The following KCNH7 variants were observed in gnomAD, a reference collection of about 807,000 sequenced individuals.
The protein encoded by KCNH7 is voltage-gated inwardly rectifying potassium channel KCNH7.
KCNH7 carries 49 observed loss-of-function variants against 120.8 expected under a neutral mutation model. That is an observed-to-expected ratio of 0.41 (90% confidence interval 0.32 to 0.51). The LOEUF (loss-of-function observed/expected upper bound fraction) is 0.51, where lower values mean the gene tolerates loss of function less well. Ranked by LOEUF, KCNH7 falls within the 20% of genes least tolerant of loss-of-function variation. The pLI is 0.38. For synonymous variants in KCNH7, 547 were observed against 516.1 expected (o/e 1.06, Z -0.81); for missense variants, 1,097 against 1,446.6 (o/e 0.76, Z 3.92).
chr2:162,653,369 A>G (rs1390093495), intron 2 of KCNH7, among the ~76,000 whole-genome samples: 6 of 152,230 alleles, frequency 3.9e-5, no homozygotes, highest in African/African-American at 1.4e-4. Context: ...CTAATAAATT[A>G]ATTCAGTAAA....
In KCNH7 at chr2:162,371,423, C is replaced by T; in HGVS notation, c.*406G>A. On this transcript the variant is annotated 3_prime_UTR_variant, in exon 16 of 16. Coordinates refer to ENST00000332142, the MANE Select transcript of KCNH7 (RefSeq NM_033272.4). Reference sequence around the variant, plus strand: ...GGAATTCCCATGAGTTGAGGATCATCTGAATTTGAGTTGCATCCATGAACA... The same window carrying T: ...GGAATTCCCATGAGTTGAGGATCATTTGAATTTGAGTTGCATCCATGAACA... The T allele has an allele frequency of 7.8e-7, 1 of 1,287,936 alleles. No individual in the cohort carries two copies. The highest frequency in any genetic ancestry group is 1.0e-6 in the Non-Finnish European group (1 of 988,114). The allele number at this position is 1,287,936 out of a possible 1,614,324, so 79.8% of individuals were successfully genotyped here. A position where few individuals can be genotyped will look rare whatever the true frequency, so the allele number is the denominator to read the frequency against.
chr2:162,824,531 A>G (rs1314196219), intron 2 of KCNH7, among the ~76,000 whole-genome samples: 6 of 152,130 alleles, frequency 3.9e-5, no homozygotes, highest in African/African-American at 1.2e-4. Flanking sequence ...AGTCACAGCT[A>G]GAAAGATCAG....
At chr2:162,375,344 A>G (rs888576154) in intron 14 of KCNH7, among the ~76,000 whole-genome samples, 5 of 152,170 alleles carry the variant, frequency 3.3e-5, no homozygotes, top group Admixed American at 2.0e-4. Flanking sequence ...TGTCATATAA[A>G]TCCTTTGCCA....
chr2:162,706,327 A>G (rs1201211183), intron 2 of KCNH7, among the ~76,000 whole-genome samples: 1 of 152,160 alleles, frequency 6.6e-6, no homozygotes, highest in African/African-American at 2.4e-5. Flanking sequence ...GATCATGCTT[A>G]TGATATGAAT....
At chr2:162,741,214 C>T (rs1574328513) in intron 2 of KCNH7, among the ~76,000 whole-genome samples, 1 of 139,104 alleles carries the variant, frequency 7.2e-6, no homozygotes, top group South Asian at 2.3e-4. Flanking sequence ...ATATTAATAA[C>T]ATGTTATTAG....
At chr2:162,740,413 T>C (rs1688082751) in intron 2 of KCNH7, among the ~76,000 whole-genome samples, 2 of 152,180 alleles carry the variant, frequency 1.3e-5, no homozygotes, top group Non-Finnish European at 2.9e-5. Context: ...CAACAGGCAC[T>C]GACAAGTTTG....
intron 7 of KCNH7, among the ~76,000 whole-genome samples, chr2:162,436,322 G>A (rs769509559): frequency 2.0e-5 from 3 of 152,078 alleles, no homozygotes; most frequent in Non-Finnish European, 4.4e-5. Flanking sequence ...CATGAATTAG[G>A]CACTACATTT....
chr2:162,560,039 G>T (rs1434654870), intron 2 of KCNH7, among the ~76,000 whole-genome samples: 4 of 152,132 alleles, frequency 2.6e-5, no homozygotes, highest in African/African-American at 9.7e-5. Flanking sequence ...TGACCTATAT[G>T]TTTGTCTGTG....
At chr2:162,623,608 C>T (rs999828668) in intron 2 of KCNH7, among the ~76,000 whole-genome samples, 3 of 152,158 alleles carry the variant, frequency 2.0e-5, no homozygotes, top group Admixed American at 2.0e-4. Context: ...TAGGGCTATG[C>T]TGCTTGAGTT....
intron 2 of KCNH7, among the ~76,000 whole-genome samples, chr2:162,643,139 C>A (rs1052611915): frequency 6.6e-6 from 1 of 151,986 alleles, no homozygotes; most frequent in Non-Finnish European, 1.5e-5. Context: ...TAAGAATTGC[C>A]CTTCCAGTGT....
intron 2 of KCNH7, among the ~76,000 whole-genome samples, chr2:162,717,323 T>C (rs1364523944): frequency 2.0e-5 from 3 of 152,048 alleles, no homozygotes; most frequent in African/African-American, 4.8e-5. Flanking sequence ...ATCCAAAACA[T>C]GGAGAGGTTA....
At chr2:162,447,925 C>T (rs1688637393) in intron 6 of KCNH7, among the ~76,000 whole-genome samples, 1 of 151,994 alleles carries the variant, frequency 6.6e-6, no homozygotes, top group Admixed American at 6.6e-5. Flanking sequence ...TTTTTGATAA[C>T]TGCTAAACTA....
intron 2 of KCNH7, among the ~76,000 whole-genome samples, chr2:162,564,521 T>C (rs1693181812): frequency 6.6e-6 from 1 of 152,134 alleles, no homozygotes; most frequent in Non-Finnish European, 1.5e-5. Flanking sequence ...ATTGCTTATA[T>C]AATTGATCTG....
intron 8 of KCNH7, among the ~76,000 whole-genome samples, chr2:162,426,786 A>G (rs1428697865): frequency 6.6e-6 from 1 of 152,126 alleles, no homozygotes; most frequent in Non-Finnish European, 1.5e-5. Flanking sequence ...GTTTTGACAA[A>G]TGTATACACC....
Position 162,481,315 on chromosome 2 carries a change from G to C in KCNH7, c.1128+23128C>G, listed in dbSNP as rs79731112. On this transcript the variant is annotated intron_variant, in intron 6 of 15. Coordinates refer to ENST00000332142, the MANE Select transcript of KCNH7 (RefSeq NM_033272.4). The stretch of plus-strand genomic sequence containing the variant: ...TTGGAAATGACACTAAACTTTTACT[G>C]AATGTCTACAATGAAGAAGATATTA... 2.3e-3 allele frequency among the ~76,000 whole-genome samples: 356 copies of C among 152,178 alleles called. 3 individuals carry two copies. Among genetic ancestry groups the C allele is most frequent in the African/African-American group, 8.1e-3 (335 of 41,530 alleles).
At chr2:162,638,031 C>T (rs1684023547) in intron 2 of KCNH7, among the ~76,000 whole-genome samples, 1 of 152,022 alleles carries the variant, frequency 6.6e-6, no homozygotes, top group Non-Finnish European at 1.5e-5. Flanking sequence ...TTTTATCGTT[C>T]AATGGGAAGC....
At chr2:162,591,948 T>C (rs1694228860) in intron 2 of KCNH7, among the ~76,000 whole-genome samples, 1 of 152,112 alleles carries the variant, frequency 6.6e-6, no homozygotes, top group Non-Finnish European at 1.5e-5. Flanking sequence ...AGTAACTTTC[T>C]GAGAAAAATT....
chr2:162,755,641 A>G (rs944645533), intron 2 of KCNH7, among the ~76,000 whole-genome samples: 1 of 152,178 alleles, frequency 6.6e-6, no homozygotes, highest in African/African-American at 2.4e-5. Flanking sequence ...GCTCTTAGCA[A>G]AACAAGTTGA....
At chr2:162,612,905 C>G (rs751315063) in intron 2 of KCNH7, among the ~76,000 whole-genome samples, 7 of 151,878 alleles carry the variant, frequency 4.6e-5, no homozygotes, top group Non-Finnish European at 1.0e-4. Context: ...TAATAAATTA[C>G]TAATATGTTT....
Sources: gnomAD v4.1 joint callset for allele counts (sites outside exome capture counted in the v4.1 genomes callset) on GRCh38, gnomAD v4.1.1 for gene constraint, MANE v1.5 for transcripts, NCBI Gene and HGNC (gene_info 2026-07-23, HGNC 2026-07-21) for gene names.